PLEKHA7: variants seen among roughly 807,000 people sequenced by gnomAD.
The protein encoded by PLEKHA7 is pleckstrin homology domain-containing family A member 7.
PLEKHA7 carries 104 observed loss-of-function variants against 170.0 expected under a neutral mutation model. That is an observed-to-expected ratio of 0.61 (90% confidence interval 0.52 to 0.72). The LOEUF (loss-of-function observed/expected upper bound fraction) is 0.72, where lower values mean the gene tolerates loss of function less well. Ranked by LOEUF, PLEKHA7 falls within the 30% of genes least tolerant of loss-of-function variation. The pLI is 0.00. For missense variants in PLEKHA7, 1,615 were observed against 1,671.7 expected (o/e 0.97, Z 0.59); for synonymous variants, 648 against 660.8 (o/e 0.98, Z 0.30).
chr11:16,783,642 TAG>T, intron 25 of PLEKHA7, 56 bp downstream of exon 25: 1 of 1,339,482 alleles, frequency 7.5e-7, no homozygotes, highest in Non-Finnish European at 9.6e-7. Context: ...GCCCACATGG[TAG>T]AGACGCCACC....
chr11:16,887,740 G>C (rs1031016913), intron 3 of PLEKHA7, among the ~76,000 whole-genome samples: 2 of 152,212 alleles, frequency 1.3e-5, no homozygotes, highest in East Asian at 3.9e-4. Flanking sequence ...ATCTTGGCTG[G>C]CTACAACCTC....
intron 3 of PLEKHA7, among the ~76,000 whole-genome samples, chr11:16,936,827 G>A (rs1860336409): frequency 6.6e-6 from 1 of 152,228 alleles, no homozygotes; most frequent in East Asian, 1.9e-4. Flanking sequence ...AGCAGCAATG[G>A]CCTGTGCCAG....
At chr11:16,956,910 G>A (rs1861734588) in intron 3 of PLEKHA7, among the ~76,000 whole-genome samples, 2 of 152,120 alleles carry the variant, frequency 1.3e-5, no homozygotes, top group Non-Finnish European at 2.9e-5. Context: ...CTGCCTTGAA[G>A]AACAGAAAGA....
chr11:16,907,226 C>T (rs1408357493), intron 3 of PLEKHA7, among the ~76,000 whole-genome samples: 3 of 91,802 alleles, frequency 3.3e-5, no homozygotes, highest in African/African-American at 2.7e-4. Context: ...GTCATCCCCC[C>T]ACCTGGCCAG....
At chr11:16,935,369 CCAA>C (rs1350022263) in intron 3 of PLEKHA7, among the ~76,000 whole-genome samples, 6 of 152,168 alleles carry the variant, frequency 3.9e-5, no homozygotes, top group Non-Finnish European at 8.8e-5. Flanking sequence ...TTGCAGTGAG[CCAA>C]GATCGTGCCA....
chr11:16,899,785 G>A (rs1857215303), intron 3 of PLEKHA7, among the ~76,000 whole-genome samples: 1 of 152,200 alleles, frequency 6.6e-6, no homozygotes, highest in African/African-American at 2.4e-5. Context: ...TATAGGGCAG[G>A]AAAACCTTTA....
At chr11:16,802,901 C>A in intron 15 of PLEKHA7, 71 bp downstream of exon 15, 2 of 1,267,022 alleles carry the variant, frequency 1.6e-6, no homozygotes, top group Non-Finnish European at 2.3e-6. Flanking sequence ...GAGGGTCCAG[C>A]CTATGTCTCA....
intron 3 of PLEKHA7, among the ~76,000 whole-genome samples, chr11:16,910,184 T>C (rs1858147897): frequency 6.6e-6 from 1 of 152,246 alleles, no homozygotes; most frequent in African/African-American, 2.4e-5. Context: ...TAATGTTTTA[T>C]AAACACTTCC....
intron 3 of PLEKHA7, among the ~76,000 whole-genome samples, chr11:17,008,842 C>T (rs1865164779): frequency 6.6e-6 from 1 of 152,096 alleles, no homozygotes; most frequent in East Asian, 1.9e-4. Context: ...GAAGAGCAGC[C>T]CAGTGTAATA....
intron 3 of PLEKHA7, 135 bp downstream of exon 3, chr11:17,013,854 A>C (rs894973266): frequency 4.8e-6 from 5 of 1,049,528 alleles, no homozygotes; most frequent in Non-Finnish European, 6.4e-6. Flanking sequence ...CAAAACGTTG[A>C]GTGTGGCCGC....
At chr11:16,885,976 G>A (rs1856066462) in intron 3 of PLEKHA7, among the ~76,000 whole-genome samples, 1 of 150,112 alleles carries the variant, frequency 6.7e-6, no homozygotes, top group Non-Finnish European at 1.5e-5. Context: ...CTCCAGCCTG[G>A]CAACAGAGCA....
chr11:16,844,188 G>T (rs1852201097), intron 8 of PLEKHA7, among the ~76,000 whole-genome samples: 1 of 152,136 alleles, frequency 6.6e-6, no homozygotes, highest in Non-Finnish European at 1.5e-5. Context: ...AATTCATGGA[G>T]CCAGCCTTGT....
At chr11:16,907,673 C>A (rs1407193754) in intron 3 of PLEKHA7, among the ~76,000 whole-genome samples, 1 of 110,238 alleles carries the variant, frequency 9.1e-6, no homozygotes, top group African/African-American at 3.0e-5. Flanking sequence ...CCAGCCGCCC[C>A]GTCCGGGAGG....
chr11:16,847,233 A>G (rs2135362363), intron 8 of PLEKHA7, among the ~76,000 whole-genome samples: 1 of 151,254 alleles, frequency 6.6e-6, no homozygotes, highest in Middle Eastern at 3.5e-3. Context: ...AGCAGCTGGG[A>G]CTACAGGCGC....
chr11:16,933,088 G>A (rs1045737448), intron 3 of PLEKHA7, among the ~76,000 whole-genome samples: 27 of 152,210 alleles, frequency 1.8e-4, no homozygotes, highest in Admixed American at 7.9e-4. Context: ...AGGATGGCCC[G>A]GGGATTAAGG....
intron 3 of PLEKHA7, among the ~76,000 whole-genome samples, chr11:16,919,622 C>G (rs993557838): frequency 6.6e-6 from 1 of 152,056 alleles, no homozygotes; most frequent in Non-Finnish European, 1.5e-5. Flanking sequence ...TATGATCACA[C>G]CACTGCACTC....
At chr11:16,869,701 G>A (rs1854675279) in intron 4 of PLEKHA7, among the ~76,000 whole-genome samples, 1 of 152,210 alleles carries the variant, frequency 6.6e-6, no homozygotes, top group African/African-American at 2.4e-5. Flanking sequence ...AATTAGCCAT[G>A]TTTTGGAAAT....
chr11:16,852,398 C>T (rs891699225), intron 6 of PLEKHA7, 43 bp from the exon 7 acceptor site: 3 of 1,565,468 alleles, frequency 1.9e-6, no homozygotes, highest in Non-Finnish European at 2.6e-6. Flanking sequence ...TCTGAGCATA[C>T]TGTTGTCCCT....
At chr11:16,841,514 G>A in intron 9 of PLEKHA7, 33 bp downstream of exon 9, 2 of 1,599,880 alleles carry the variant, frequency 1.3e-6, no homozygotes, top group Non-Finnish European at 1.7e-6. Flanking sequence ...AGTGTAGGAG[G>A]TGCTGTGGCA....
Sources: allele counts gnomAD v4.1 joint callset (sites outside exome capture counted in the v4.1 genomes callset), GRCh38; gene constraint gnomAD v4.1.1; transcripts MANE v1.5; gene names NCBI Gene and HGNC (gene_info 2026-07-23, HGNC 2026-07-21).